Variants in ZNF609 observed in about 807,000 individuals in gnomAD.
ZNF609 encodes zinc finger protein 609.
A neutral mutation model predicts 109.5 loss-of-function variants in ZNF609; 11 were observed. The observed-to-expected ratio is 0.10, with a 90% confidence interval of 0.06 to 0.17. The LOEUF is 0.17. Among genes scored for constraint, ZNF609 ranks in the 10% least tolerant of loss-of-function variants. ZNF609 has a pLI of 1.00. For missense variants in ZNF609, 1,559 were observed against 1,772.4 expected, an observed-to-expected ratio of 0.88 and a Z score of 2.16; for synonymous variants, 646 against 662.0, an observed-to-expected ratio of 0.98 and a Z score of 0.37.
intron 2 of ZNF609, among the ~76,000 whole-genome samples, chr15:64,594,207 A>G: frequency 6.6e-6 from 1 of 152,348 alleles, no homozygotes; most frequent in Non-Finnish European, 1.5e-5. Flanking sequence ...GGAGTAAGGC[A>G]GTTTTCTGCA....
At chr15:64,566,721 G>C (rs1894782891) in intron 2 of ZNF609, among the ~76,000 whole-genome samples, 1 of 152,212 alleles carries the variant, frequency 6.6e-6, no homozygotes, top group African/African-American at 2.4e-5. Flanking sequence ...GGAGGGCGTG[G>C]TAGAGACAGT....
chr15:64,486,692 T>C (rs1459740458), intron 1 of ZNF609, among the ~76,000 whole-genome samples: 1 of 152,026 alleles, frequency 6.6e-6, no homozygotes, highest in Non-Finnish European at 1.5e-5. Context: ...CTCAGGTCAA[T>C]GTAGCCTCTG....
At chr15:64,668,675 C>T (rs1896684058) in intron 3 of ZNF609, among the ~76,000 whole-genome samples, 1 of 152,100 alleles carries the variant, frequency 6.6e-6, no homozygotes, top group South Asian at 2.1e-4. Flanking sequence ...AAATGCCAGC[C>T]AGGTGCGGTG....
chr15:64,603,933 G>T (rs1666187822), intron 2 of ZNF609, among the ~76,000 whole-genome samples: 1 of 142,514 alleles, frequency 7.0e-6, no homozygotes, highest in Non-Finnish European at 1.5e-5. Flanking sequence ...GGGAGGTAAA[G>T]GTTGCAGTAA....
chr15:64,558,948 C>T (rs1894635633), intron 2 of ZNF609, among the ~76,000 whole-genome samples: 1 of 151,668 alleles, frequency 6.6e-6, no homozygotes. Flanking sequence ...GGACCTTGAC[C>T]CAAGAAGTTA....
intron 2 of ZNF609, among the ~76,000 whole-genome samples, chr15:64,608,425 A>G (rs1438541438): frequency 1.3e-5 from 2 of 152,154 alleles, no homozygotes; most frequent in Admixed American, 1.3e-4. Flanking sequence ...ATATTGATGC[A>G]TTCACCTATT....
intron 3 of ZNF609, among the ~76,000 whole-genome samples, chr15:64,647,828 C>G (rs1208355302): frequency 2.0e-5 from 3 of 152,168 alleles, no homozygotes; most frequent in Admixed American, 6.6e-5. Flanking sequence ...TAATAATAAC[C>G]TTGCAGCTTT....
chr15:64,472,130 C>G (rs1893100125), intron 1 of ZNF609, among the ~76,000 whole-genome samples: 1 of 151,722 alleles, frequency 6.6e-6, no homozygotes, highest in African/African-American at 2.4e-5. Context: ...CAGGCTTGGT[C>G]TCAAACTCCC....
intron 2 of ZNF609, among the ~76,000 whole-genome samples, chr15:64,587,649 T>C (rs1247723687): frequency 2.0e-5 from 3 of 152,116 alleles, no homozygotes; most frequent in Non-Finnish European, 2.9e-5. Context: ...CACTAACCCC[T>C]GGTATAGAGT....
chr15:64,509,698 G>C (rs900610390), intron 2 of ZNF609, among the ~76,000 whole-genome samples: 1 of 152,214 alleles, frequency 6.6e-6, no homozygotes, highest in Non-Finnish European at 1.5e-5. Context: ...GCTGATCTCA[G>C]GTTGAGAACC....
At chr15:64,570,223 C>T (rs906255157) in intron 2 of ZNF609, among the ~76,000 whole-genome samples, 1 of 152,186 alleles carries the variant, frequency 6.6e-6, no homozygotes, top group Non-Finnish European at 1.5e-5. Context: ...AGCTAAGAAA[C>T]GTGGCCTGGT....
chr15:64,562,845 AAG>A (rs1174454870), intron 2 of ZNF609, among the ~76,000 whole-genome samples: 3 of 147,196 alleles, frequency 2.0e-5, no homozygotes, highest in Non-Finnish European at 4.5e-5. Context: ...GCAGCTTCTT[AAG>A]AGAGAGGAAA....
At chr15:64,679,644 A>C (rs1240706538) in intron 6 of ZNF609, among the ~76,000 whole-genome samples, 4 of 152,226 alleles carry the variant, frequency 2.6e-5, no homozygotes, top group African/African-American at 9.6e-5. Context: ...ACACCCATCA[A>C]TATAAAAATC....
chr15:64,545,414 G>T (rs1299879033), intron 2 of ZNF609, among the ~76,000 whole-genome samples: 1 of 152,076 alleles, frequency 6.6e-6, no homozygotes, highest in Non-Finnish European at 1.5e-5. Flanking sequence ...GCCCAGGCTG[G>T]ACTTGAACTC....
At position 64,672,384 on chromosome 15, in the gene ZNF609, G is replaced by A. The variant is rs1896745335; in HGVS notation, c.1062-1532G>A. Among the ~76,000 whole-genome samples, 3 of 150,602 alleles carry A rather than the reference G, an allele frequency of 2.0e-5. No individual in the cohort carries two copies. The South Asian group carries it at 6.3e-4, about 32-fold the overall frequency. On this transcript the variant is annotated intron_variant, in intron 4 of 9. Coordinates refer to ENST00000326648, the MANE Select transcript of ZNF609 (RefSeq NM_015042.2). ...TAACGCCTGTAATCCCAGCACTTTG[G>A]GAGGCTGAGGCGGGTGGATCACCTG...
At chr15:64,671,834 C>A (rs2141012560) in intron 4 of ZNF609, among the ~76,000 whole-genome samples, 1 of 152,250 alleles carries the variant, frequency 6.6e-6, no homozygotes, top group South Asian at 2.1e-4. Flanking sequence ...AAACCTTCAT[C>A]TGCCCATTGT....
intron 2 of ZNF609, among the ~76,000 whole-genome samples, chr15:64,547,442 A>T (rs1162568120): frequency 1.3e-5 from 2 of 152,242 alleles, no homozygotes; most frequent in African/African-American, 4.8e-5. Flanking sequence ...GGATGAATAC[A>T]GTTGCAATAA....
chr15:64,587,018 G>C (rs369778267), intron 2 of ZNF609, among the ~76,000 whole-genome samples: 128 of 152,158 alleles, frequency 8.4e-4, no homozygotes, highest in African/African-American at 3.0e-3. Flanking sequence ...TGTTATCTCT[G>C]CCTGTTGCTT....
upstream of ZNF609, among the ~76,000 whole-genome samples, chr15:64,460,123 A>G (rs1039624062): frequency 1.3e-5 from 2 of 151,896 alleles, no homozygotes; most frequent in African/African-American, 4.8e-5. Flanking sequence ...AATGGATGAA[A>G]CCATCAGGAG....
Sources: gnomAD v4.1 joint callset for allele counts (sites outside exome capture counted in the v4.1 genomes callset) on GRCh38, gnomAD v4.1.1 for gene constraint, MANE v1.5 for transcripts, NCBI Gene and HGNC (gene_info 2026-07-23, HGNC 2026-07-21) for gene names.